ADCK1: variants seen among roughly 807,000 people sequenced by gnomAD.
ADCK1 encodes aarF domain-containing protein kinase 1.
In ADCK1, 41 loss-of-function variants were observed where a neutral mutation model predicts 52.3. That is an observed-to-expected ratio of 0.78 (90% CI 0.61 to 1.02). The LOEUF (loss-of-function observed/expected upper bound fraction) is 1.02. ADCK1 is among the 50% of genes least tolerant of loss of function. ADCK1 has a pLI of 0.00. For synonymous variants in ADCK1, 250 were observed against 274.6 expected (o/e 0.91, Z 0.89); for missense variants, 658 against 679.5 (o/e 0.97, Z 0.35).
rs759187791 is a variant in ADCK1, at chr14:77,859,281, TACCCACCTTTGC to T, written c.423+4_423+15del. On this transcript the variant is annotated splice_donor_5th_base_variant and intron_variant, in intron 4 of 10. Coordinates refer to ENST00000238561, the MANE Select transcript of ADCK1 (RefSeq NM_020421.4). ...ATCCGAGAAGATCTGGGCAAGGAGG[TACCCACCTTTGC>T]AGGGGGGATGGGCCTTGGTTGGGAT... 4.0e-5 allele frequency: 64 copies of T among 1,611,776 alleles called. No individual in the cohort carries two copies. In the East Asian group the frequency reaches 1.4e-3, roughly 36 times the overall value.
Position 77,819,083 on chromosome 14 carries a change from C to T in ADCK1, c.105C>T (p.Gly35=), listed in dbSNP as rs370327529. The T allele has an allele frequency of 3.8e-5, 61 of 1,613,512 alleles. No homozygotes were observed. Among genetic ancestry groups the T allele is most frequent in the Admixed American group, 1.8e-4 (11 of 59,814 alleles). Residue 35 remains glycine, a synonymous_variant, in exon 2 of 11, where the codon GGC becomes GGT. Transcript: ENST00000238561. ...AGTACTTGGACCCTAATGACTTTGGCGCTGTCAGGGTGGGCAGAGCAGTTG... is the reference window on the plus strand; with the variant it reads ...AGTACTTGGACCCTAATGACTTTGGTGCTGTCAGGGTGGGCAGAGCAGTTG... ...SNKYLDPNDF[G]AVRVGRAVAT... is the part of the protein sequence containing the mutation.
At chr14:77,902,379 C>G (rs1027942744) in intron 6 of ADCK1, 62 of 152,310 alleles carry the variant, frequency 4.1e-4, no homozygotes, top group African/African-American at 1.4e-3. Flanking sequence ...TGTACAGACC[C>G]TCTTGTGTGT....
At chr14:77,817,181 G>A (rs1255303643) in intron 1 of ADCK1, among the ~76,000 whole-genome samples, 2 of 152,206 alleles carry the variant, frequency 1.3e-5, no homozygotes, top group African/African-American at 4.8e-5. Flanking sequence ...GGCGGAGGTT[G>A]CAGTGAGCCG....
At chr14:77,891,675 G>A (rs1219134487) in intron 5 of ADCK1, among the ~76,000 whole-genome samples, 2 of 152,152 alleles carry the variant, frequency 1.3e-5, no homozygotes, top group Non-Finnish European at 2.9e-5. Context: ...GGACCACAAG[G>A]CAAACCTGAG....
chr14:77,852,695 A>ATATATATAT (rs2082324783), intron 3 of ADCK1, among the ~76,000 whole-genome samples: 1 of 65,990 alleles, frequency 1.5e-5, no homozygotes, highest in Non-Finnish European at 3.2e-5. Flanking sequence ...ATATATATAT[A>ATATATATAT]TATATATATT....
intron 4 of ADCK1, among the ~76,000 whole-genome samples, chr14:77,884,504 C>T (rs887434281): frequency 6.6e-6 from 1 of 152,210 alleles, no homozygotes; most frequent in East Asian, 1.9e-4. Context: ...TTCACTTATC[C>T]CTGCTGGGGC....
At position 77,934,649 on chromosome 14, in the gene ADCK1, A is replaced by G. The variant is rs2084412613; in HGVS notation, c.*1258A>G. 6.6e-6 allele frequency: 1 copy of G among 152,174 alleles called. No homozygotes were observed. Among genetic ancestry groups the G allele is most frequent in the Admixed American group, 6.6e-5 (1 of 15,258 alleles). 9.4% of individuals were successfully genotyped at this position (152,174 alleles called of 1,614,324 possible). A position where few individuals can be genotyped will look rare whatever the true frequency, so the allele number is the denominator to read the frequency against. On this transcript the variant is annotated 3_prime_UTR_variant, in exon 11 of 11. Coordinates refer to ENST00000238561, the MANE Select transcript of ADCK1 (RefSeq NM_020421.4). ...TTGGACATCCCTAAGCTCCTGCTCT[A>G]ATTCCCATGTCTTTGTCTTTGGCAG...
intron 1 of ADCK1, among the ~76,000 whole-genome samples, chr14:77,810,354 A>G (rs1322770769): frequency 3.3e-5 from 5 of 151,940 alleles, no homozygotes; most frequent in Non-Finnish European, 7.4e-5. Flanking sequence ...GACTCAAGCA[A>G]CCTTCCCACC....
intron 4 of ADCK1, among the ~76,000 whole-genome samples, chr14:77,879,895 T>C (rs1039719764): frequency 3.9e-5 from 5 of 127,056 alleles, no homozygotes; most frequent in Non-Finnish European, 5.4e-5. Flanking sequence ...ATGGCAGTTA[T>C]TGGGGGGCTA....
chr14:77,863,264 G>T, intron 4 of ADCK1, among the ~76,000 whole-genome samples: 1 of 152,172 alleles, frequency 6.6e-6, no homozygotes, highest in Non-Finnish European at 1.5e-5. Context: ...TGGTCGGGTG[G>T]TTGAAGGAAT....
chr14:77,840,770 C>T (rs1437495887), intron 3 of ADCK1, among the ~76,000 whole-genome samples: 1 of 151,826 alleles, frequency 6.6e-6, no homozygotes, highest in Admixed American at 6.6e-5. Context: ...ATAGCTTGAA[C>T]CAGGGAGGTG....
At chr14:77,887,352 C>T in intron 5 of ADCK1, 103 bp downstream of exon 5, 2 of 1,307,408 alleles carry the variant, frequency 1.5e-6, no homozygotes, top group Non-Finnish European at 2.0e-6. Flanking sequence ...GGAGTGTGGC[C>T]CTTCAAGCAG....
chr14:77,920,732 T>C (rs1222354587), intron 7 of ADCK1, among the ~76,000 whole-genome samples: 2 of 152,158 alleles, frequency 1.3e-5, no homozygotes, highest in Non-Finnish European at 1.5e-5. Flanking sequence ...CACTGCAGCC[T>C]GAAACTCCTG....
At chr14:77,913,531 A>G (rs1199858940) in intron 7 of ADCK1, among the ~76,000 whole-genome samples, 1 of 152,234 alleles carries the variant, frequency 6.6e-6, no homozygotes, top group Non-Finnish European at 1.5e-5. Context: ...GATCTCATTA[A>G]AAGTAAAGGT....
At chr14:77,836,992 G>A (rs1053513044) in intron 3 of ADCK1, among the ~76,000 whole-genome samples, 10 of 151,792 alleles carry the variant, frequency 6.6e-5, no homozygotes, top group African/African-American at 2.4e-4. Flanking sequence ...GTTTCACCAT[G>A]TTGGTCAGGC....
intron 1 of ADCK1, among the ~76,000 whole-genome samples, chr14:77,815,456 C>T (rs1193431617): frequency 6.6e-6 from 1 of 151,550 alleles, no homozygotes; most frequent in Admixed American, 6.6e-5. Context: ...ACAGTCCTCC[C>T]ATTGTGGCCT....
intron 3 of ADCK1, among the ~76,000 whole-genome samples, chr14:77,852,704 T>TATATATATATATA (rs2082325559): frequency 1.5e-4 from 18 of 120,518 alleles, no homozygotes; most frequent in African/African-American, 5.0e-4. Context: ...TATATATATA[T>TATATATATATATA]TTCACTCCTC....
chr14:77,822,927 G>C (rs572662170), intron 3 of ADCK1, among the ~76,000 whole-genome samples: 128 of 152,242 alleles, frequency 8.4e-4, no homozygotes, highest in African/African-American at 2.9e-3. Flanking sequence ...GGAGTACAAG[G>C]GTCTGGGATG....
At chr14:77,871,764 T>TGGA (rs969810383) in intron 4 of ADCK1, among the ~76,000 whole-genome samples, 2 of 152,146 alleles carry the variant, frequency 1.3e-5, no homozygotes, top group African/African-American at 2.4e-5. Flanking sequence ...GGGGAGCAGG[T>TGGA]GGAGCACTGT....
Sources: gnomAD v4.1 joint callset for allele counts (sites outside exome capture counted in the v4.1 genomes callset) on GRCh38, gnomAD v4.1.1 for gene constraint, MANE v1.5 for transcripts, NCBI Gene and HGNC (gene_info 2026-07-23, HGNC 2026-07-21) for gene names.